Variants in FZD3 observed in about 807,000 individuals in gnomAD.
FZD3 encodes frizzled-3.
Under a neutral mutation model 60.7 loss-of-function variants are expected in FZD3, and 30 were observed. That is an observed-to-expected ratio of 0.49 (90% CI 0.37 to 0.67). The LOEUF (loss-of-function observed/expected upper bound fraction) is 0.67. Among genes scored for constraint, FZD3 ranks in the 30% least tolerant of loss-of-function variants. The pLI is 0.00. For missense variants in FZD3, 605 were observed against 838.7 expected, an observed-to-expected ratio of 0.72 and a Z score of 3.44; for synonymous variants, 246 against 275.2, an observed-to-expected ratio of 0.89 and a Z score of 1.05.
Position 28,551,754 on chromosome 8 carries a change from A to G in FZD3, c.1553+3A>G, listed in dbSNP as rs1186108723. 1.3e-6 allele frequency: 2 copies of G among 1,598,130 alleles called. No homozygotes were observed. The highest frequency in any genetic ancestry group is 1.7e-6 in the Non-Finnish European group (2 of 1,175,394). On this transcript the variant is annotated splice_donor_region_variant and intron_variant, in intron 6 of 7. Coordinates refer to ENST00000240093, the MANE Select transcript of FZD3 (RefSeq NM_017412.4). ...TTTCATGGTCGTAGGAAAAAAGAGT[A>G]AGTTGAAATAAATGATCACAGTGTT... is the stretch of plus-strand genomic sequence containing the variant.
rs1805658060 is a variant in FZD3, at chr8:28,563,774, T to C, written c.*763T>C. ...ATATGCATGATGGAAAAATTTTAAT[T>C]TGTAGCCATCTTTTCCCATGTAATA... On this transcript the variant is annotated 3_prime_UTR_variant, in exon 8 of 8. Transcript: ENST00000240093. The C allele has an allele frequency of 6.6e-6, 1 of 152,638 alleles. No homozygotes were observed. Among genetic ancestry groups the C allele is most frequent in the Non-Finnish European group, 1.5e-5 (1 of 68,048 alleles). 9.5% of individuals were successfully genotyped at this position (152,638 alleles called of 1,614,324 possible).
At chr8:28,541,763 C>T (rs548598257) in intron 5 of FZD3, among the ~76,000 whole-genome samples, 12 of 152,330 alleles carry the variant, frequency 7.9e-5, no homozygotes, top group African/African-American at 2.9e-4. Context: ...CTGCTTCCTG[C>T]ATCGCGTTCC....
intron 4 of FZD3, among the ~76,000 whole-genome samples, chr8:28,526,739 TTAA>T (rs1402513891): frequency 2.0e-5 from 3 of 152,208 alleles, no homozygotes; most frequent in African/African-American, 2.4e-5. Context: ...TTTGGCAAAC[TTAA>T]TGATAGTTTC....
chr8:28,514,400 A>G, intron 3 of FZD3, among the ~76,000 whole-genome samples: 1 of 152,202 alleles, frequency 6.6e-6, no homozygotes, highest in South Asian at 2.1e-4. Flanking sequence ...ATTGAGATAT[A>G]ATGTGAGTAC....
intron 3 of FZD3, among the ~76,000 whole-genome samples, chr8:28,506,161 A>G (rs1804134974): frequency 1.3e-5 from 2 of 152,182 alleles, no homozygotes; most frequent in Non-Finnish European, 1.5e-5. Context: ...TGAGCCACCT[A>G]TTATCAGGTA....
rs542706763 is a variant in FZD3, at chr8:28,559,839, G to A, written c.1788-2959G>A. Among the ~76,000 whole-genome samples the A allele has an allele frequency of 1.2e-3, 177 of 152,290 alleles. 1 individual carries two copies. Among genetic ancestry groups the A allele is most frequent in the Middle Eastern group, 0.01 (3 of 294 alleles). On this transcript the variant is annotated intron_variant, in intron 7 of 7. Transcript: ENST00000240093. ...TCATCTCATGGTATCTTGGCTGTGG[G>A]ATCACACACATACCCACTTCCCAAT... is the stretch of plus-strand genomic sequence containing the variant.
chr8:28,519,763 G>A (rs925797754), intron 3 of FZD3, among the ~76,000 whole-genome samples: 1 of 147,930 alleles, frequency 6.8e-6, no homozygotes, highest in Non-Finnish European at 1.5e-5. Flanking sequence ...GAAAATTTCA[G>A]CCCAAAGTGA....
chr8:28,496,595 G>A (rs190406641), intron 1 of FZD3, among the ~76,000 whole-genome samples: 105 of 152,264 alleles, frequency 6.9e-4, no homozygotes, highest in South Asian at 2.3e-3. Context: ...GAGTCTCGAG[G>A]AAAGACATTA....
chr8:28,551,510 C>CT, intron 5 of FZD3, 93 bp from the exon 6 acceptor site: 2 of 983,338 alleles, frequency 2.0e-6, no homozygotes, highest in Non-Finnish European at 3.0e-6. Context: ...GAACAAAACT[C>CT]TGTCTCAAAA....
chr8:28,510,992 A>T (rs1804271834), intron 3 of FZD3, among the ~76,000 whole-genome samples: 1 of 151,788 alleles, frequency 6.6e-6, no homozygotes, highest in Non-Finnish European at 1.5e-5. Flanking sequence ...AGCCGAGATC[A>T]TGCCACTGCA....
At chr8:28,499,773 C>T (rs1803942222) in intron 1 of FZD3, among the ~76,000 whole-genome samples, 160 bp from the exon 2 acceptor site, 1 of 152,032 alleles carries the variant, frequency 6.6e-6, no homozygotes, top group African/African-American at 2.4e-5. Context: ...AATATCTTTT[C>T]ATATGTTTCT....
In FZD3 at chr8:28,527,905, A is replaced by G; in HGVS notation, c.1145A>G (p.Tyr382Cys). 6.2e-7 allele frequency: 1 copy of G among 1,614,058 alleles called. No individual in the cohort carries two copies. The highest frequency in any genetic ancestry group is 8.5e-7 in the Non-Finnish European group (1 of 1,179,960). The change falls in exon 5 of 8, where the codon TAT (tyrosine) becomes TGT (cysteine). Residue 382 changes from tyrosine (Y) to cysteine (C), a missense_variant. By Grantham distance (194) the Tyr-to-Cys change is radical. Coordinates refer to ENST00000240093, the MANE Select transcript of FZD3 (RefSeq NM_017412.4). The surrounding 1 kb of genome is among the most constrained non-coding windows in gnomAD (Gnocchi z 5.0). The stretch of plus-strand genomic sequence containing the variant: ...TTTGTTCTTGCTCCCCTCTGCCTGT[A>G]TGTGGTAGTTGGGGTTTCTCTCCTC... ...RYFVLAPLCL[Y>C]VVVGVSLLLA...
At chr8:28,504,470 T>A (rs1307930426) in intron 3 of FZD3, among the ~76,000 whole-genome samples, 1 of 152,198 alleles carries the variant, frequency 6.6e-6, no homozygotes, top group Non-Finnish European at 1.5e-5. Context: ...TCATTTTAAA[T>A]CATAACTCCT....
Position 28,563,782 on chromosome 8 carries a change from A to G in FZD3, c.*771A>G, listed in dbSNP as rs1459000191. On this transcript the variant is annotated 3_prime_UTR_variant, in exon 8 of 8. Transcript: ENST00000240093. ...GATGGAAAAATTTTAATTTGTAGCC[A>G]TCTTTTCCCATGTAATAGTATTGAT... is the stretch of plus-strand genomic sequence containing the variant. 4 of 152,684 alleles carry G rather than the reference A, an allele frequency of 2.6e-5. No individual in the cohort carries two copies. The highest frequency in any genetic ancestry group is 2.4e-5 in the African/African-American group (1 of 41,472). 9.5% of individuals were successfully genotyped at this position (152,684 alleles called of 1,614,324 possible). A position where few individuals can be genotyped will look rare whatever the true frequency, so the allele number is the denominator to read the frequency against.
intron 7 of FZD3, among the ~76,000 whole-genome samples, chr8:28,559,122 G>A (rs1175719720): frequency 2.6e-5 from 4 of 152,118 alleles, no homozygotes; most frequent in Admixed American, 2.6e-4. Flanking sequence ...TTAAGTAGAG[G>A]ATTTCTGAGG....
At chr8:28,498,143 C>T (rs191261666) in intron 1 of FZD3, among the ~76,000 whole-genome samples, 113 of 152,282 alleles carry the variant, frequency 7.4e-4, no homozygotes, top group African/African-American at 2.1e-3. Flanking sequence ...TCCAGATATT[C>T]TGTATTGCTC....
In FZD3 at chr8:28,502,969, A is replaced by T. The variant is rs1445839136; in HGVS notation, c.-45A>T. 1.5e-6 allele frequency: 2 copies of T among 1,313,280 alleles called. No homozygotes were observed. The highest frequency in any genetic ancestry group is 2.1e-6 in the Non-Finnish European group (2 of 930,734). The allele number at this position is 1,313,280 out of a possible 1,614,324, so 81.4% of individuals were successfully genotyped here. A position where few individuals can be genotyped will look rare whatever the true frequency, so the allele number is the denominator to read the frequency against. On this transcript the variant is annotated 5_prime_UTR_variant, in exon 3 of 8. Transcript: ENST00000240093. ...AGGTGTATAAATATCTAAAATACATATTGAATAGGCCTGATCATCTGAATC... is the reference window on the plus strand; with the variant it reads ...AGGTGTATAAATATCTAAAATACATTTTGAATAGGCCTGATCATCTGAATC...
rs544170221 is a variant in FZD3, at chr8:28,573,242, T to C, written c.*10231T>C. Reference sequence around the variant, plus strand: ...AGTGTTAGAAATTTGCTTTAACTAATTTATATTAAAGTGTTAGTGACTATA... The same window carrying C: ...AGTGTTAGAAATTTGCTTTAACTAACTTATATTAAAGTGTTAGTGACTATA... On this transcript the variant is annotated 3_prime_UTR_variant, in exon 8 of 8. Coordinates refer to ENST00000240093, the MANE Select transcript of FZD3 (RefSeq NM_017412.4). 2 of 152,294 alleles carry C rather than the reference T, an allele frequency of 1.3e-5. No homozygotes were observed. The highest frequency in any genetic ancestry group is 4.1e-4 in the South Asian group (2 of 4,824). 9.4% of individuals were successfully genotyped at this position (152,294 alleles called of 1,614,324 possible). A position where few individuals can be genotyped will look rare whatever the true frequency, so the allele number is the denominator to read the frequency against.
chr8:28,516,150 T>G (rs986321132), intron 3 of FZD3, among the ~76,000 whole-genome samples: 1 of 152,226 alleles, frequency 6.6e-6, no homozygotes. Context: ...TATCTTTTGT[T>G]GAAGATACTT....
Sources: gnomAD v4.1 joint callset for allele counts (sites outside exome capture counted in the v4.1 genomes callset) on GRCh38, gnomAD v4.1.1 for gene constraint, Gnocchi (gnomAD v3.1) non-coding constraint, MANE v1.5 for transcripts, NCBI Gene and HGNC (gene_info 2026-07-23, HGNC 2026-07-21) for gene names.